RAB11A: variants seen among roughly 807,000 people sequenced by gnomAD.
RAB11A encodes the protein RAB11A, member RAS oncogene family.
Under a neutral mutation model 28.0 loss-of-function variants are expected in RAB11A, and 9 were observed. The observed-to-expected ratio is 0.32, with a 90% CI of 0.19 to 0.56. RAB11A has a LOEUF of 0.56. Among genes scored for constraint, RAB11A ranks in the 20% least tolerant of loss-of-function variants. The pLI, the probability that RAB11A is intolerant of heterozygous loss-of-function variation, is 0.91. For synonymous variants in RAB11A, 85 were observed against 88.2 expected (o/e 0.96, Z 0.20); for missense variants, 108 against 269.6 (o/e 0.40, Z 4.20).
chr15:65,872,802 G>C (rs1465615461), intron 1 of RAB11A, among the ~76,000 whole-genome samples: 1 of 152,100 alleles, frequency 6.6e-6, no homozygotes, highest in Admixed American at 6.6e-5. Flanking sequence ...TAACTTCAAT[G>C]CTGATTATTT....
chr15:65,875,049 A>G (rs1415675111), intron 1 of RAB11A, among the ~76,000 whole-genome samples: 7 of 152,068 alleles, frequency 4.6e-5, no homozygotes, highest in African/African-American at 9.7e-5. Context: ...CTGTCTCAAA[A>G]AAAGAAAGAA....
At chr15:65,882,434 A>G (rs538479773) in intron 4 of RAB11A, among the ~76,000 whole-genome samples, 8 of 152,318 alleles carry the variant, frequency 5.3e-5, no homozygotes, top group African/African-American at 1.9e-4. Flanking sequence ...TTGTGTTTTG[A>G]TATTGCTGAA....
chr15:65,877,181 A>C lies in RAB11A; in HGVS notation c.41-151A>C. The C allele has an allele frequency of 6.3e-6, 4 of 634,266 alleles. No homozygotes were observed. The South Asian group carries it at 6.5e-5, about 10-fold the overall frequency. The allele number at this position is 634,266 out of a possible 1,614,324, so 39.3% of individuals were successfully genotyped here. On this transcript the variant is annotated intron_variant, in intron 1 of 4. Transcript: ENST00000261890. The surrounding 1 kb of genome is among the most constrained non-coding windows in gnomAD (Gnocchi z 4.1). ...GTAACTGGTCAAGAACATGCTGTTC[A>C]ACCCCCTACCCCCATTCCTTTTTAA...
chr15:65,879,380 T>C (rs1021515743), intron 3 of RAB11A, among the ~76,000 whole-genome samples: 64 of 151,990 alleles, frequency 4.2e-4, no homozygotes, highest in Non-Finnish European at 1.0e-4. Context: ...GCATGGTGGC[T>C]CATGCCTGTA....
chr15:65,881,359 C>T (rs972252102), intron 4 of RAB11A, among the ~76,000 whole-genome samples: 1 of 152,168 alleles, frequency 6.6e-6, no homozygotes, highest in Non-Finnish European at 1.5e-5. Context: ...ATTTTTATCA[C>T]TTTGCTTCTA....
At chr15:65,884,632 C>T (rs1322380923) in intron 4 of RAB11A, among the ~76,000 whole-genome samples, 1 of 151,950 alleles carries the variant, frequency 6.6e-6, no homozygotes, top group Non-Finnish European at 1.5e-5. Flanking sequence ...TACTGCTGCA[C>T]TTACTCCAGT....
In RAB11A at chr15:65,877,571, G is replaced by A. The variant is rs768327088; in HGVS notation, c.236+44G>A. The A allele has an allele frequency of 9.0e-6, 14 of 1,556,118 alleles. No homozygotes were observed. The highest frequency in any genetic ancestry group is 3.8e-5 in the Admixed American group (2 of 52,972). The stretch of plus-strand genomic sequence containing the variant: ...AAGTTCTGTGAAATGGGTTGCCATC[G>A]AGTGAATTAGCTGACTTTTGGTATT... On this transcript the variant is annotated intron_variant, in intron 2 of 4. Transcript: ENST00000261890. This position sits in a 1 kb window ranked among gnomAD's most constrained non-coding sequence, Gnocchi z 4.1.
chr15:65,883,807 A>G (rs1255161339), intron 4 of RAB11A, among the ~76,000 whole-genome samples: 1 of 152,038 alleles, frequency 6.6e-6, no homozygotes, highest in Non-Finnish European at 1.5e-5. Context: ...CTGGCCTCCT[A>G]AAGTGCTGAG....
chr15:65,877,700 T>A lies in RAB11A; in HGVS notation c.237-62T>A. The A allele has an allele frequency of 1.4e-6, 2 of 1,416,666 alleles. No individual in the cohort carries two copies. Among genetic ancestry groups the A allele is most frequent in the Non-Finnish European group, 9.6e-7 (1 of 1,040,772 alleles). The allele number at this position is 1,416,666 out of a possible 1,614,324, so 87.8% of individuals were successfully genotyped here. On this transcript the variant is annotated intron_variant, in intron 2 of 4. Coordinates refer to ENST00000261890, the MANE Select transcript of RAB11A (RefSeq NM_004663.5). This position sits in a 1 kb window ranked among gnomAD's most constrained non-coding sequence, Gnocchi z 4.1. ...TAAAACTCATGATCCATATTTTGAG[T>A]TCTTCCTGGTGTTTGCTTCCATCTT...
chr15:65,872,808 T>A (rs573939646), intron 1 of RAB11A, among the ~76,000 whole-genome samples: 9 of 152,330 alleles, frequency 5.9e-5, no homozygotes, highest in African/African-American at 2.2e-4. Flanking sequence ...CAATGCTGAT[T>A]ATTTAGCCAA....
chr15:65,881,243 T>C (rs1033386189), intron 4 of RAB11A, among the ~76,000 whole-genome samples: 1 of 152,344 alleles, frequency 6.6e-6, no homozygotes, highest in East Asian at 1.9e-4. Flanking sequence ...TGATTAAATA[T>C]GTAGTATGTC....
chr15:65,881,135 T>C (rs536222693), intron 4 of RAB11A, among the ~76,000 whole-genome samples: 1 of 152,328 alleles, frequency 6.6e-6, no homozygotes, highest in East Asian at 1.9e-4. Context: ...AGAAGAATAG[T>C]GCTGGGGTTG....
At chr15:65,880,306 C>T (rs1383912041) in intron 4 of RAB11A, among the ~76,000 whole-genome samples, 1 of 152,132 alleles carries the variant, frequency 6.6e-6, no homozygotes, top group African/African-American at 2.4e-5. Context: ...GGAGTTCATG[C>T]TGTTTTGGAA....
rs1167372353 is a variant in RAB11A, at chr15:65,877,125, G to T, written c.41-207G>T. Among the ~76,000 whole-genome samples the T allele has an allele frequency of 6.6e-6, 1 of 152,202 alleles. No individual in the cohort carries two copies. Among genetic ancestry groups the T allele is most frequent in the Non-Finnish European group, 1.5e-5 (1 of 68,034 alleles). Reference sequence around the variant, plus strand: ...GTGGAAGTCATGCAGGTAGAAACAGGTTGAAAAGAATAAATCGGTTTTATT... The same window carrying T: ...GTGGAAGTCATGCAGGTAGAAACAGTTTGAAAAGAATAAATCGGTTTTATT... On this transcript the variant is annotated intron_variant, in intron 1 of 4. Transcript: ENST00000261890. This position sits in a 1 kb window ranked among gnomAD's most constrained non-coding sequence, Gnocchi z 4.1.
At chr15:65,874,333 C>G (rs1048764770) in intron 1 of RAB11A, among the ~76,000 whole-genome samples, 8 of 152,044 alleles carry the variant, frequency 5.3e-5, no homozygotes, top group African/African-American at 1.7e-4. Context: ...ACCTCCGCCT[C>G]CCGCTTCAAG....
chr15:65,870,852 C>G (rs186553712), intron 1 of RAB11A, among the ~76,000 whole-genome samples: 1 of 151,674 alleles, frequency 6.6e-6, no homozygotes, highest in Non-Finnish European at 1.5e-5. Context: ...TTGGTTGAGT[C>G]CGGAAGGAAT....
Position 65,887,951 on chromosome 15 carries a change from T to G in RAB11A, c.*111T>G, listed in dbSNP as rs982339577. On this transcript the variant is annotated 3_prime_UTR_variant, in exon 5 of 5. Coordinates refer to ENST00000261890, the MANE Select transcript of RAB11A (RefSeq NM_004663.5). ...TTTGTGTTTTATTACTTCATACTTA[T>G]GAATTTTTCCATGTCCTAAGTCTTT... The G allele has an allele frequency of 1.7e-6, 2 of 1,181,606 alleles. No homozygotes were observed. The highest frequency in any genetic ancestry group is 2.2e-6 in the Non-Finnish European group (2 of 892,932). 73.2% of individuals were successfully genotyped at this position (1,181,606 alleles called of 1,614,324 possible).
chr15:65,891,582 A>G lies in RAB11A; in HGVS notation c.*3742A>G, dbSNP rs886312635. 2.6e-5 allele frequency: 4 copies of G among 152,288 alleles called. No individual in the cohort carries two copies. Among genetic ancestry groups the G allele is most frequent in the Middle Eastern group, 3.4e-3 (1 of 294 alleles). 9.4% of individuals were successfully genotyped at this position (152,288 alleles called of 1,614,324 possible). A position where few individuals can be genotyped will look rare whatever the true frequency, so the allele number is the denominator to read the frequency against. On this transcript the variant is annotated 3_prime_UTR_variant, in exon 5 of 5. Coordinates refer to ENST00000261890, the MANE Select transcript of RAB11A (RefSeq NM_004663.5). ...AAATAAACTCTGGGGATTCATCCCA[A>G]TTCGAACTCTGTAATTCTCTGAATG...
chr15:65,884,994 C>T (rs1487928501), intron 4 of RAB11A, among the ~76,000 whole-genome samples: 1 of 148,264 alleles, frequency 6.7e-6, no homozygotes, highest in Non-Finnish European at 1.5e-5. Context: ...CAGGGTCTCA[C>T]ACTGTCCCCA....
Sources: allele counts gnomAD v4.1 joint callset (sites outside exome capture counted in the v4.1 genomes callset), GRCh38; gene constraint gnomAD v4.1.1; non-coding constraint Gnocchi (gnomAD v3.1); transcripts MANE v1.5; gene names NCBI Gene and HGNC (gene_info 2026-07-23, HGNC 2026-07-21).